The following BCAS3 variants were observed in gnomAD, a reference collection of about 807,000 sequenced individuals.
BCAS3 encodes the protein BCAS4/BCAS3 fusion.
BCAS3 carries 53 observed loss-of-function variants against 116.1 expected under a neutral mutation model. The ratio of observed to expected loss-of-function variants is 0.46; its 90% CI spans 0.37 to 0.57. The LOEUF is 0.57. BCAS3 is among the 20% of genes least tolerant of loss of function. BCAS3 has a pLI of 0.00. For missense variants in BCAS3, 917 were observed against 1,165.4 expected (o/e 0.79, Z 3.10); for synonymous variants, 391 against 408.2 (o/e 0.96, Z 0.51).
chr17:61,328,253 A>G (rs980182021), intron 22 of BCAS3, among the ~76,000 whole-genome samples: 2 of 152,230 alleles, frequency 1.3e-5, no homozygotes, highest in Non-Finnish European at 2.9e-5. Flanking sequence ...AAAAACTAGT[A>G]GAAGCATAAA....
intron 5 of BCAS3, among the ~76,000 whole-genome samples, chr17:60,709,723 C>G (rs1470851105): frequency 6.6e-6 from 1 of 152,044 alleles, no homozygotes. Context: ...AAATTCCTTT[C>G]AATGGAGTTA....
intron 14 of BCAS3, among the ~76,000 whole-genome samples, chr17:60,949,646 A>G (rs565489432): frequency 6.6e-6 from 1 of 152,326 alleles, no homozygotes; most frequent in African/African-American, 2.4e-5. Flanking sequence ...TGATACAGGC[A>G]TACAATGCGT....
intron 7 of BCAS3, among the ~76,000 whole-genome samples, chr17:60,840,686 G>A (rs1025756961): frequency 4.6e-5 from 7 of 152,152 alleles, no homozygotes; most frequent in East Asian, 1.9e-4. Flanking sequence ...AGGTTTCCCC[G>A]TGTTTACAAC....
intron 5 of BCAS3, among the ~76,000 whole-genome samples, chr17:60,717,701 A>T (rs2038790809): frequency 6.6e-6 from 1 of 152,102 alleles, no homozygotes; most frequent in Admixed American, 6.6e-5. Context: ...AATTACTTAT[A>T]CCCGCCATCT....
chr17:60,814,127 C>T (rs1011120113), intron 7 of BCAS3, among the ~76,000 whole-genome samples: 54 of 152,172 alleles, frequency 3.5e-4, no homozygotes, highest in African/African-American at 1.3e-3. Context: ...GTAGTTTGAC[C>T]ATTTTAACAA....
chr17:61,081,664 A>G (rs1333773607), intron 21 of BCAS3, among the ~76,000 whole-genome samples: 4 of 152,228 alleles, frequency 2.6e-5, no homozygotes, highest in Non-Finnish European at 5.9e-5. Flanking sequence ...AAGACCCTAC[A>G]GCAGTTTTTA....
intron 7 of BCAS3, among the ~76,000 whole-genome samples, chr17:60,835,285 C>G (rs574719681): frequency 6.6e-6 from 1 of 151,976 alleles, no homozygotes; most frequent in Admixed American, 6.6e-5. Flanking sequence ...TACTTTCAAA[C>G]AGTACACTGT....
At chr17:61,158,494 G>C (rs890505899) in intron 22 of BCAS3, among the ~76,000 whole-genome samples, 1 of 152,142 alleles carries the variant, frequency 6.6e-6, no homozygotes, top group African/African-American at 2.4e-5. Flanking sequence ...CTGAATTCAT[G>C]TAGCTATTAT....
chr17:60,958,269 C>T (rs1390324769), intron 14 of BCAS3, among the ~76,000 whole-genome samples: 4 of 152,102 alleles, frequency 2.6e-5, no homozygotes, highest in African/African-American at 9.7e-5. Context: ...AAAGAACTAC[C>T]GTCAGATCAG....
At chr17:61,157,020 G>C (rs2077883380) in intron 22 of BCAS3, among the ~76,000 whole-genome samples, 2 of 152,264 alleles carry the variant, frequency 1.3e-5, no homozygotes, top group South Asian at 4.2e-4. Context: ...AAGCAAATGT[G>C]GTTAATCTCG....
chr17:60,902,170 A>G (rs376542923), intron 10 of BCAS3, among the ~76,000 whole-genome samples: 1 of 152,358 alleles, frequency 6.6e-6, no homozygotes, highest in African/African-American at 2.4e-5. Flanking sequence ...AAATATAAAT[A>G]TGGCAAAATC....
At chr17:61,086,077 C>CAT (rs112480198) in intron 22 of BCAS3, among the ~76,000 whole-genome samples, 5 of 151,844 alleles carry the variant, frequency 3.3e-5, no homozygotes, top group East Asian at 1.9e-4. Context: ...GGTAACACTC[C>CAT]ATATATATAT....
At position 60,956,525 on chromosome 17, in the gene BCAS3, C is replaced by G. The variant is rs1441778899; in HGVS notation, c.1221+9173C>G. 2.0e-5 allele frequency among the ~76,000 whole-genome samples: 3 copies of G among 152,074 alleles called. No individual in the cohort carries two copies. The highest frequency in any genetic ancestry group is 4.4e-5 in the Non-Finnish European group (3 of 68,020). ...CACTTAACACCTATTTTTGATACCT[C>G]TTTGTATTAAAGTTATTTGCCATTT... On this transcript the variant is annotated intron_variant, in intron 14 of 23. Coordinates refer to ENST00000407086, the MANE Select transcript of BCAS3 (RefSeq NM_017679.5). The surrounding 1 kb of genome is among the most constrained non-coding windows in gnomAD (Gnocchi z 4.2).
rs2286636 is a variant in BCAS3 at position 61,084,214 on chromosome 17, C to A, written c.2328-253C>A. Among the ~76,000 whole-genome samples the A allele has an allele frequency of 0.14, 21,514 of 152,060 alleles. 4,733 individuals are homozygous for A. Among genetic ancestry groups the A allele is most frequent in the African/African-American group, 0.47 (19,589 of 41,368 alleles). On this transcript the variant is annotated intron_variant, in intron 21 of 23. Transcript: ENST00000407086. This position sits in a 1 kb window ranked among gnomAD's most constrained non-coding sequence, Gnocchi z 5.5. ...TCCCTTTAAATTAATGTCAGCTTTT[C>A]AGTCCCTTCCTTAAAAATCTATGGA...
intron 7 of BCAS3, among the ~76,000 whole-genome samples, chr17:60,838,726 C>T (rs1368936939): frequency 6.6e-6 from 1 of 152,106 alleles, no homozygotes; most frequent in Non-Finnish European, 1.5e-5. Context: ...AGTTTGTTGA[C>T]TTCTATATAC....
intron 22 of BCAS3, among the ~76,000 whole-genome samples, chr17:61,305,983 T>C (rs1272670438): frequency 6.6e-6 from 1 of 152,212 alleles, no homozygotes; most frequent in African/African-American, 2.4e-5. Flanking sequence ...AAACAAGAGA[T>C]AATCCTGTGT....
intron 13 of BCAS3, among the ~76,000 whole-genome samples, chr17:60,941,067 G>T (rs1047558672): frequency 2.0e-5 from 3 of 152,212 alleles, no homozygotes; most frequent in African/African-American, 4.8e-5. Context: ...AGAACGCTGT[G>T]TACCATCAGC....
At chr17:61,050,242 T>C (rs2068734884) in intron 19 of BCAS3, among the ~76,000 whole-genome samples, 1 of 151,948 alleles carries the variant, frequency 6.6e-6, no homozygotes, top group South Asian at 2.1e-4. Flanking sequence ...TTAAGAGCAC[T>C]GGGAATGGTG....
chr17:60,804,379 G>A (rs2048089011), intron 6 of BCAS3, among the ~76,000 whole-genome samples: 1 of 151,842 alleles, frequency 6.6e-6, no homozygotes, highest in Non-Finnish European at 1.5e-5. Flanking sequence ...TACTCAGGAG[G>A]CTGAGGCAGG....
Sources: gnomAD v4.1 joint callset for allele counts (sites outside exome capture counted in the v4.1 genomes callset) on GRCh38, gnomAD v4.1.1 for gene constraint, Gnocchi (gnomAD v3.1) non-coding constraint, MANE v1.5 for transcripts, NCBI Gene and HGNC (gene_info 2026-07-23, HGNC 2026-07-21) for gene names.